The following PDXDC1 variants were observed in gnomAD, a reference collection of about 807,000 sequenced individuals.
The protein encoded by PDXDC1 is pyridoxal-dependent decarboxylase domain-containing protein 1.
A neutral mutation model predicts 100.1 loss-of-function variants in PDXDC1; 42 were observed. That is an observed-to-expected ratio of 0.42 (90% CI 0.33 to 0.54). PDXDC1 has a LOEUF of 0.54. PDXDC1 is among the 20% of genes least tolerant of loss of function. The pLI, the probability that PDXDC1 is intolerant of heterozygous loss-of-function variation, is 0.10. For missense variants in PDXDC1, 636 were observed against 979.2 expected, an observed-to-expected ratio of 0.65 and a Z score of 4.68; for synonymous variants, 260 against 371.7, an observed-to-expected ratio of 0.70 and a Z score of 3.46.
At chr16:15,085,673 A>G (rs148522531) in intron 16 of PDXDC1, 68 of 1,613,512 alleles carry the variant, frequency 4.2e-5, no homozygotes, top group Non-Finnish European at 5.7e-5. Flanking sequence ...AAACATCTAC[A>G]TCGCCTTCCT....
intron 6 of PDXDC1, 75 bp downstream of exon 6, chr16:15,006,658 T>A: frequency 7.2e-7 from 1 of 1,385,756 alleles, no homozygotes; most frequent in South Asian, 1.8e-5. Context: ...GTTGACCCGT[T>A]TGTCTAGTTG....
intron 12 of PDXDC1, among the ~76,000 whole-genome samples, chr16:15,022,230 A>G (rs1317347631): frequency 2.0e-5 from 3 of 152,394 alleles, no homozygotes; most frequent in East Asian, 1.9e-4. Context: ...TATCCTCCCC[A>G]TTTTATAATT....
At chr16:15,140,447 CAAA>C (rs888007915), downstream of PDXDC1, among the ~76,000 whole-genome samples, 4 of 39,058 alleles carry the variant, frequency 1.0e-4, no homozygotes, top group Admixed American at 2.5e-4. Flanking sequence ...AGCTCCATCT[CAAA>C]AAAAAAAAAA....
chr16:15,130,430 G>T lies in PDXDC1; in HGVS notation c.1400-8449G>T, dbSNP rs556186891. 20 of 1,505,358 alleles carry T rather than the reference G, an allele frequency of 1.3e-5. No homozygotes were observed. In the African/African-American group the frequency reaches 2.3e-4, roughly 18 times the overall value. 93.3% of individuals were successfully genotyped at this position (1,505,358 alleles called of 1,614,324 possible). On this transcript the variant is annotated intron_variant, in intron 16 of 16. Transcript: ENST00000535621. ...GGAAGTGGCTGGAGAGGTTCAGACG[G>T]TAACTCCCCACTGGGTCTCTGGTCC...
intron 16 of PDXDC1, among the ~76,000 whole-genome samples, chr16:15,053,097 T>C (rs1415019111): frequency 7.4e-6 from 1 of 136,026 alleles, no homozygotes; most frequent in Non-Finnish European, 1.6e-5. Context: ...ACTGAGGAAC[T>C]GAGTTTCAAT....
intron 16 of PDXDC1, chr16:15,133,538 G>A: frequency 2.0e-6 from 2 of 979,452 alleles, no homozygotes; most frequent in South Asian, 2.8e-5. Flanking sequence ...CACCACCACG[G>A]CCAGGCCCAC....
downstream of PDXDC1, among the ~76,000 whole-genome samples, chr16:15,143,162 G>T (rs1157994905): frequency 6.6e-6 from 1 of 152,194 alleles, no homozygotes; most frequent in Non-Finnish European, 1.5e-5. Context: ...GATCTGGAAG[G>T]CAGGAGGAGT....
rs1238097038 is a variant in PDXDC1, at chr16:14,989,134, T to C, written c.22-8619T>C. The C allele has an allele frequency of 1.2e-5, 20 of 1,614,264 alleles. No individual in the cohort carries two copies. The Admixed American group carries it at 2.7e-4, about 22-fold the overall frequency. The stretch of plus-strand genomic sequence containing the variant: ...GTGATCTTCATTTCCACTCCTGGGC[T>C]GAAGAGCTGAGCCCAGAGGAGCTGG... On this transcript the variant is annotated intron_variant, in intron 1 of 22. Coordinates refer to ENST00000396410, the MANE Select transcript of PDXDC1 (RefSeq NM_015027.4).
intron 4 of PDXDC1, among the ~76,000 whole-genome samples, chr16:15,003,111 A>G (rs1452373727): frequency 2.6e-5 from 4 of 152,148 alleles, no homozygotes; most frequent in African/African-American, 4.8e-5. Flanking sequence ...AACATTTTAT[A>G]TAATCAATTT....
intron 16 of PDXDC1, among the ~76,000 whole-genome samples, chr16:15,079,010 C>G (rs568767500): frequency 6.6e-6 from 1 of 152,084 alleles, no homozygotes; most frequent in Non-Finnish European, 1.5e-5. Flanking sequence ...CAGAGTTTCA[C>G]CATGTTAGCC....
chr16:15,036,418 A>G lies in PDXDC1; in HGVS notation c.*143A>G. 1.3e-6 allele frequency: 1 copy of G among 786,890 alleles called. No individual in the cohort carries two copies. Among genetic ancestry groups the G allele is most frequent in the Non-Finnish European group, 2.0e-6 (1 of 493,400 alleles). 48.7% of individuals were successfully genotyped at this position (786,890 alleles called of 1,614,324 possible). On this transcript the variant is annotated 3_prime_UTR_variant, in exon 23 of 23. Coordinates refer to ENST00000396410, the MANE Select transcript of PDXDC1 (RefSeq NM_015027.4). ...GATTTTGGCACAAATATGTGCCTGA[A>G]AGGTAGGCTTTCTAGGAGGGGAGTC...
At chr16:15,094,348 C>G (rs1464611996) in intron 16 of PDXDC1, 2 of 972,070 alleles carry the variant, frequency 2.1e-6, no homozygotes, top group Non-Finnish European at 3.1e-6. Context: ...ATCAGCGGCC[C>G]CGCGTGGGGA....
intron 16 of PDXDC1, chr16:15,136,068 C>T (rs1237141677): frequency 2.5e-6 from 4 of 1,579,838 alleles, no homozygotes; most frequent in Non-Finnish European, 3.4e-6. Context: ...AGGCCTCGCC[C>T]TGCGGCGCTG....
Position 15,133,041 on chromosome 16 carries a change from A to G in PDXDC1, c.1400-5838A>G, listed in dbSNP as rs1394696006. 15 of 902,518 alleles carry G rather than the reference A, an allele frequency of 1.7e-5. No individual in the cohort carries two copies. In the Admixed American group the frequency reaches 1.8e-4, roughly 11 times the overall value. The allele number at this position is 902,518 out of a possible 1,614,324, so 55.9% of individuals were successfully genotyped here. On this transcript the variant is annotated intron_variant, in intron 16 of 16. Coordinates refer to the PDXDC1 transcript ENST00000535621. ...TTCATGGGCAAAACAGGGTAAGCAC[A>G]TGGGCCCTCCTGGGCGGGGGCTGCA... is the stretch of plus-strand genomic sequence containing the variant.
chr16:15,026,365 T>G, intron 13 of PDXDC1: 1 of 521,832 alleles, frequency 1.9e-6, no homozygotes, highest in Non-Finnish European at 3.3e-6. Flanking sequence ...TAGACCTATG[T>G]TTATCCCTTA....
At chr16:15,031,709 T>G in intron 16 of PDXDC1, 26 bp from the exon 17 acceptor site, 1 of 1,594,202 alleles carries the variant, frequency 6.3e-7, no homozygotes, top group Non-Finnish European at 8.6e-7. Context: ...TCGTGAGCAT[T>G]TCTCTGACAT....
intron 16 of PDXDC1, among the ~76,000 whole-genome samples, chr16:15,093,600 C>T (rs1002721846): frequency 6.6e-6 from 1 of 152,258 alleles, no homozygotes; most frequent in South Asian, 2.1e-4. Flanking sequence ...ACAAGGTTTG[C>T]TTCACTTACA....
Position 14,975,074 on chromosome 16 carries a change from CCTCTT to C in PDXDC1, c.-122_-118del. 1 of 1,495,350 alleles carries C rather than the reference CCTCTT, an allele frequency of 6.7e-7. No individual in the cohort carries two copies. Among genetic ancestry groups the C allele is most frequent in the African/African-American group, 1.4e-5 (1 of 71,014 alleles). The allele number at this position is 1,495,350 out of a possible 1,614,324, so 92.6% of individuals were successfully genotyped here. A position where few individuals can be genotyped will look rare whatever the true frequency, so the allele number is the denominator to read the frequency against. Reference sequence around the variant, plus strand: ...CCCGCGGCGCCGCCTGGCAGCTCCTCCTCTTCTCCGCCCCGCCGGCCGCGGGCGCG... The same window carrying C: ...CCCGCGGCGCCGCCTGGCAGCTCCTCCTCCGCCCCGCCGGCCGCGGGCGCG... On this transcript the variant is annotated 5_prime_UTR_variant, in exon 1 of 23. Transcript: ENST00000396410.
At chr16:15,128,124 C>G in intron 16 of PDXDC1, 1 of 1,610,206 alleles carries the variant, frequency 6.2e-7, no homozygotes, top group Non-Finnish European at 8.5e-7. Flanking sequence ...AGGAACCAGG[C>G]AGGGCTGAGC....
Sources: gnomAD v4.1 joint callset for allele counts (sites outside exome capture counted in the v4.1 genomes callset) on GRCh38, gnomAD v4.1.1 for gene constraint, MANE v1.5 for transcripts, NCBI Gene and HGNC (gene_info 2026-07-23, HGNC 2026-07-21) for gene names.